DOCK8: variants seen among roughly 807,000 people sequenced by gnomAD.
DOCK8 encodes dedicator of cytokinesis 8, also known as dedicator of cytokinesis protein 8.
Under a neutral mutation model 245.6 loss-of-function variants are expected in DOCK8, and 141 were observed. That is an observed-to-expected ratio of 0.57 (90% confidence interval 0.50 to 0.66). DOCK8 has a LOEUF of 0.66. DOCK8 is among the 30% of genes least tolerant of loss of function. The probability of loss-of-function intolerance (pLI) is 0.00; values close to 1 mark genes in which losing one functional copy is unlikely to be tolerated. For synonymous variants in DOCK8, 1,168 were observed against 970.2 expected (o/e 1.20, Z -3.79); for missense variants, 2,965 against 2,603.4 (o/e 1.14, Z -3.02).
rs746729373 is a variant in DOCK8, at chr9:464,697, A to G, written c.*478A>G. On this transcript the variant is annotated 3_prime_UTR_variant, in exon 48 of 48. Coordinates refer to ENST00000432829, the MANE Select transcript of DOCK8 (RefSeq NM_203447.4). ...GTAGGAGTACGAAACATTTTCAATA[A>G]ATCTACAAAGGGAAGCCTTACTACA... 2 of 183,292 alleles carry G rather than the reference A, an allele frequency of 1.1e-5. No homozygotes were observed. The highest frequency in any genetic ancestry group is 2.3e-5 in the Non-Finnish European group (2 of 85,358). 11.4% of individuals were successfully genotyped at this position (183,292 alleles called of 1,614,324 possible). A position where few individuals can be genotyped will look rare whatever the true frequency, so the allele number is the denominator to read the frequency against.
intron 24 of DOCK8, among the ~76,000 whole-genome samples, chr9:394,224 C>T (rs1369621906): frequency 6.8e-6 from 1 of 147,648 alleles, no homozygotes; most frequent in Non-Finnish European, 1.5e-5. Context: ...CCTCGAGACC[C>T]CCTTCCCAGC....
intron 30 of DOCK8, among the ~76,000 whole-genome samples, chr9:418,997 T>G (rs927865896): frequency 6.6e-6 from 1 of 152,164 alleles, no homozygotes; most frequent in Non-Finnish European, 1.5e-5. Context: ...GGCTCTGTCC[T>G]TTTGCATGGA....
chr9:248,039 A>G (rs11794945), intron 1 of DOCK8, among the ~76,000 whole-genome samples: 10,956 of 152,088 alleles, frequency 0.072, 452 homozygotes, highest in African/African-American at 0.11. Context: ...TTTGTGTTGA[A>G]ACTTTAATAT....
rs758993681 is a variant in DOCK8, at chr9:414,863, A to G, written c.3612A>G (p.Lys1204=). ...SSHDLDPRCV[K]PEVKVKIAAL... is the part of the protein sequence containing the mutation. Reference sequence around the variant, plus strand: ...ACGACCTGGACCCACGCTGTGTCAAACCAGAGGTGAAGGTCAAAATCGCCG... The same window carrying G: ...ACGACCTGGACCCACGCTGTGTCAAGCCAGAGGTGAAGGTCAAAATCGCCG... The change falls in exon 29 of 48, where the codon AAA becomes AAG. Residue 1204 remains lysine (K), a synonymous_variant. Transcript: ENST00000432829. The G allele has an allele frequency of 1.2e-6, 2 of 1,614,240 alleles. No individual in the cohort carries two copies. The highest frequency in any genetic ancestry group is 1.7e-6 in the Non-Finnish European group (2 of 1,180,042).
intron 35 of DOCK8, among the ~76,000 whole-genome samples, chr9:429,391 T>G (rs1270744776): frequency 1.3e-5 from 2 of 152,212 alleles, no homozygotes; most frequent in Non-Finnish European, 2.9e-5. Flanking sequence ...ACCAGTAATT[T>G]CCCAGGAACC....
At chr9:220,008 C>T (rs1224125697) in intron 1 of DOCK8, among the ~76,000 whole-genome samples, 4 of 152,194 alleles carry the variant, frequency 2.6e-5, no homozygotes, top group Non-Finnish European at 5.9e-5. Context: ...ATAATACAAG[C>T]ATAAAAATAT....
chr9:380,809 G>T (rs2053688530), intron 21 of DOCK8: 1 of 133,064 alleles, frequency 7.5e-6, no homozygotes, highest in Non-Finnish European at 1.6e-5. Flanking sequence ...GGCTGAGATG[G>T]CAGGATCGCT....
At chr9:454,303 C>G (rs1214591810) in intron 46 of DOCK8, 1 of 152,038 alleles carries the variant, frequency 6.6e-6, no homozygotes, top group Admixed American at 6.6e-5. Context: ...GAGAGAGAGA[C>G]CACATTCACA....
At chr9:302,343 T>A (rs1327995932) in intron 4 of DOCK8, among the ~76,000 whole-genome samples, 1 of 152,174 alleles carries the variant, frequency 6.6e-6, no homozygotes, top group Non-Finnish European at 1.5e-5. Flanking sequence ...TATACAAACA[T>A]TAACTCAAGA....
intron 1 of DOCK8, among the ~76,000 whole-genome samples, chr9:225,492 GA>G (rs986673966): frequency 1.4e-4 from 22 of 151,998 alleles, no homozygotes; most frequent in African/African-American, 5.3e-4. Flanking sequence ...CATCAGAATG[GA>G]AAAAAAGGGC....
In DOCK8 at chr9:369,911, C is replaced by G. The variant is rs1343765156; in HGVS notation, c.1798-319C>G. 2.2e-5 allele frequency: 8 copies of G among 362,914 alleles called. No homozygotes were observed. The East Asian group carries it at 4.4e-4, about 20-fold the overall frequency. 22.5% of individuals were successfully genotyped at this position (362,914 alleles called of 1,614,324 possible). ...CTGCTTCCTAGGCTCAAGCGATCCTCTTGCCTCCGCCCCCTGAGTAGCAGG... is the reference window on the plus strand; with the variant it reads ...CTGCTTCCTAGGCTCAAGCGATCCTGTTGCCTCCGCCCCCTGAGTAGCAGG... On this transcript the variant is annotated intron_variant, in intron 15 of 47. Transcript: ENST00000432829.
intron 14 of DOCK8, among the ~76,000 whole-genome samples, chr9:343,419 C>G (rs1446693128): frequency 6.6e-6 from 1 of 151,716 alleles, no homozygotes; most frequent in Non-Finnish European, 1.5e-5. Context: ...TTCTTGAGCC[C>G]AGAAATTCGA....
intron 14 of DOCK8, among the ~76,000 whole-genome samples, chr9:345,951 T>TA (rs1231932123): frequency 6.6e-6 from 1 of 152,008 alleles, no homozygotes; most frequent in African/African-American, 2.4e-5. Flanking sequence ...GCTCTAACGA[T>TA]AGAGACCAAC....
At chr9:311,321 C>A (rs1253374962) in intron 5 of DOCK8, among the ~76,000 whole-genome samples, 1 of 151,340 alleles carries the variant, frequency 6.6e-6, no homozygotes, top group Non-Finnish European at 1.5e-5. Context: ...CTCACTGCAG[C>A]CTTGAACTCC....
At chr9:415,838 T>C (rs2055979299) in intron 29 of DOCK8, among the ~76,000 whole-genome samples, 1 of 152,204 alleles carries the variant, frequency 6.6e-6, no homozygotes, top group Non-Finnish European at 1.5e-5. Context: ...AGCCAGCCTC[T>C]TTATAGTCAG....
intron 2 of DOCK8, among the ~76,000 whole-genome samples, chr9:272,216 C>T (rs1449328536): frequency 1.3e-5 from 2 of 152,032 alleles, no homozygotes; most frequent in Admixed American, 6.6e-5. Context: ...GTCACTTAAC[C>T]TTTCCTCAGT....
chr9:269,409 A>G (rs1358125565), intron 1 of DOCK8, among the ~76,000 whole-genome samples: 1 of 152,162 alleles, frequency 6.6e-6, no homozygotes, highest in East Asian at 1.9e-4. Context: ...ATTGCTGAGT[A>G]ATTTTCCATT....
intron 14 of DOCK8, chr9:340,563 G>T: frequency 2.2e-6 from 1 of 457,018 alleles, no homozygotes; most frequent in South Asian, 2.0e-5. Flanking sequence ...AGAGGTTGCA[G>T]TGAGCCAAGA....
chr9:426,752 G>A (rs1474126809), intron 33 of DOCK8, 133 bp from the exon 34 acceptor site: 14 of 738,138 alleles, frequency 1.9e-5, no homozygotes, highest in African/African-American at 5.2e-5. Context: ...AGTTACTCAG[G>A]GCCAGTTGCT....
Sources: allele counts gnomAD v4.1 joint callset (sites outside exome capture counted in the v4.1 genomes callset), GRCh38; gene constraint gnomAD v4.1.1; transcripts MANE v1.5; gene names NCBI Gene and HGNC (gene_info 2026-07-23, HGNC 2026-07-21).